Variants in PCNX1 observed in about 807,000 individuals in gnomAD.
PCNX1 encodes pecanex 1, also known as pecanex-like protein 1.
A neutral mutation model predicts 242.2 loss-of-function variants in PCNX1; 78 were observed. The ratio of observed to expected loss-of-function variants is 0.32; its 90% CI spans 0.27 to 0.39. The LOEUF (loss-of-function observed/expected upper bound fraction) is 0.39, where lower values mean the gene tolerates loss of function less well. Among genes scored for constraint, PCNX1 ranks in the 10% least tolerant of loss-of-function variants. PCNX1 has a pLI of 1.00. For synonymous variants in PCNX1, 1,024 were observed against 1,032.9 expected (o/e 0.99, Z 0.17); for missense variants, 2,581 against 2,856.5 (o/e 0.90, Z 2.20).
At chr14:70,993,410 G>C (rs1241308772) in intron 7 of PCNX1, among the ~76,000 whole-genome samples, 2 of 152,008 alleles carry the variant, frequency 1.3e-5, no homozygotes, top group African/African-American at 2.4e-5. Flanking sequence ...TCACAGGTGT[G>C]AGCCACCGTG....
At chr14:71,014,137 G>A (rs2059896984) in intron 11 of PCNX1, among the ~76,000 whole-genome samples, 1 of 152,272 alleles carries the variant, frequency 6.6e-6, no homozygotes, top group South Asian at 2.1e-4. Flanking sequence ...GACATTTATG[G>A]TTCATATTTT....
chr14:70,984,062 C>T (rs561878606), intron 6 of PCNX1, among the ~76,000 whole-genome samples: 11 of 151,342 alleles, frequency 7.3e-5, no homozygotes, highest in Admixed American at 7.2e-4. Flanking sequence ...TTGCAGATGC[C>T]TTTTCTTTTT....
At chr14:70,992,692 TTA>T (rs1198877509) in intron 7 of PCNX1, among the ~76,000 whole-genome samples, 1 of 152,212 alleles carries the variant, frequency 6.6e-6, no homozygotes, top group Non-Finnish European at 1.5e-5. Context: ...GCTGATAGTT[TTA>T]GACCTAAATT....
In PCNX1 at chr14:71,114,828, G is replaced by C. The variant is rs2062823494; in HGVS notation, c.*4893G>C. The stretch of plus-strand genomic sequence containing the variant: ...AGGTGGTGCCCCGGAATTCACAACA[G>C]AGTAGTGATAGAGCATAAGATGGCT... On this transcript the variant is annotated 3_prime_UTR_variant, in exon 36 of 36. Transcript: ENST00000304743. 6.6e-6 allele frequency: 1 copy of C among 151,216 alleles called. No individual in the cohort carries two copies. Among genetic ancestry groups the C allele is most frequent in the Non-Finnish European group, 1.5e-5 (1 of 67,910 alleles). 9.4% of individuals were successfully genotyped at this position (151,216 alleles called of 1,614,324 possible).
intron 7 of PCNX1, among the ~76,000 whole-genome samples, chr14:70,994,737 T>C (rs775789216): frequency 2.6e-5 from 4 of 151,950 alleles, no homozygotes; most frequent in Non-Finnish European, 5.9e-5. Flanking sequence ...CATTTTTTCA[T>C]GAGTTTTGTC....
chr14:70,913,073 G>T (rs2055995508), intron 1 of PCNX1, among the ~76,000 whole-genome samples: 1 of 151,518 alleles, frequency 6.6e-6, no homozygotes, highest in African/African-American at 2.4e-5. Flanking sequence ...TATATTTTTT[G>T]TTTGTTTACT....
At chr14:70,922,354 G>T (rs1030834139) in intron 1 of PCNX1, among the ~76,000 whole-genome samples, 2 of 151,714 alleles carry the variant, frequency 1.3e-5, no homozygotes, top group African/African-American at 4.8e-5. Flanking sequence ...TTTTTTTCTT[G>T]CAAACCTTTA....
chr14:71,041,507 CTAATGATACTCTGAATTTTTGCGCTAT>C (rs1472539055), intron 19 of PCNX1, among the ~76,000 whole-genome samples: 1 of 152,120 alleles, frequency 6.6e-6, no homozygotes, highest in Non-Finnish European at 1.5e-5. Flanking sequence ...ATAGTAGCCA[CTAATGATACTCTGAATTTTTGCGCTAT>C]TAATCGTAAT....
chr14:70,907,715 A>C lies in PCNX1; in HGVS notation c.-136A>C. On this transcript the variant is annotated 5_prime_UTR_variant, in exon 1 of 36. Transcript: ENST00000304743. The stretch of plus-strand genomic sequence containing the variant: ...CCTGCAGCAGCACCAGCGACCGCCG[A>C]AGCGCCGGCTCGCTCACCCGGAGCT... 1 of 1,070,540 alleles carries C rather than the reference A, an allele frequency of 9.3e-7. No individual in the cohort carries two copies. The highest frequency in any genetic ancestry group is 1.2e-6 in the Non-Finnish European group (1 of 864,104). 66.3% of individuals were successfully genotyped at this position (1,070,540 alleles called of 1,614,324 possible).
chr14:71,006,535 CTGTT>C (rs772404419), intron 8 of PCNX1, among the ~76,000 whole-genome samples: 4 of 152,030 alleles, frequency 2.6e-5, no homozygotes, highest in Non-Finnish European at 4.4e-5. Flanking sequence ...GCTTTCTACT[CTGTT>C]TATTAGAAAA....
chr14:70,947,253 A>G, intron 2 of PCNX1, 130 bp downstream of exon 2: 1 of 670,824 alleles, frequency 1.5e-6, no homozygotes, highest in Non-Finnish European at 2.6e-6. Context: ...ACCACTGTAG[A>G]TACAATGATG....
Position 70,958,445 on chromosome 14 carries a change from T to A in PCNX1, c.363-3781T>A, listed in dbSNP as rs973746216. 2.0e-5 allele frequency among the ~76,000 whole-genome samples: 3 copies of A among 152,176 alleles called. No homozygotes were observed. The East Asian group carries it at 5.8e-4, about 29-fold the overall frequency. On this transcript the variant is annotated intron_variant, in intron 2 of 35. Coordinates refer to ENST00000304743, the MANE Select transcript of PCNX1 (RefSeq NM_014982.3). Reference sequence around the variant, plus strand: ...CAGCTGTCAGAATACCCAAAAAAGTTTAAGGGAATTTACTACTCACATTAC... The same window carrying A: ...CAGCTGTCAGAATACCCAAAAAAGTATAAGGGAATTTACTACTCACATTAC...
At chr14:71,023,294 G>A in intron 13 of PCNX1, 62 bp downstream of exon 13, 1 of 1,324,450 alleles carries the variant, frequency 7.6e-7, no homozygotes, top group Non-Finnish European at 1.1e-6. Flanking sequence ...AATATTTGTG[G>A]TTTGTTTTTT....
rs543346217 is a variant in PCNX1 at position 71,086,293 on chromosome 14, A to G, written c.5338-2037A>G. On this transcript the variant is annotated intron_variant, in intron 28 of 35. Transcript: ENST00000304743. ...GTGGGTTAAGCCTAACATCAATGTC[A>G]GTTGTGGGTCAGTTTTGATTGAGTG... 1.2e-4 allele frequency among the ~76,000 whole-genome samples: 18 copies of G among 152,140 alleles called. 1 individual carries two copies. Among genetic ancestry groups the G allele is most frequent in the Non-Finnish European group, 2.2e-4 (15 of 68,036 alleles).
chr14:71,065,987 CAAG>C (rs2061436732), intron 26 of PCNX1, among the ~76,000 whole-genome samples: 1 of 150,562 alleles, frequency 6.6e-6, no homozygotes, highest in Non-Finnish European at 1.5e-5. Flanking sequence ...CTGTTTTGTA[CAAG>C]TACCATGCTG....
At chr14:71,089,460 T>C in intron 30 of PCNX1, 118 bp downstream of exon 30, 1 of 747,656 alleles carries the variant, frequency 1.3e-6, no homozygotes, top group Non-Finnish European at 2.1e-6. Context: ...GGGTAATTTA[T>C]AAAGGAAAGA....
chr14:71,072,080 G>T (rs534319881), intron 26 of PCNX1, among the ~76,000 whole-genome samples: 1 of 152,258 alleles, frequency 6.6e-6, no homozygotes, highest in Admixed American at 6.5e-5. Context: ...CACCATTATA[G>T]ATACAACAGT....
intron 28 of PCNX1, among the ~76,000 whole-genome samples, chr14:71,079,084 G>C (rs2061787759): frequency 6.6e-6 from 1 of 152,120 alleles, no homozygotes. Flanking sequence ...CCACTTATGA[G>C]TGAGAACATC....
chr14:70,970,501 G>C (rs1163198914), intron 5 of PCNX1, among the ~76,000 whole-genome samples: 1 of 152,148 alleles, frequency 6.6e-6, no homozygotes, highest in African/African-American at 2.4e-5. Context: ...GTGCCCTTGT[G>C]TTTAGGGATT....
Sources: allele counts gnomAD v4.1 joint callset (sites outside exome capture counted in the v4.1 genomes callset), GRCh38; gene constraint gnomAD v4.1.1; transcripts MANE v1.5; gene names NCBI Gene and HGNC (gene_info 2026-07-23, HGNC 2026-07-21).